The following LRCH1 variants were observed in gnomAD, a reference collection of about 807,000 sequenced individuals.
The protein encoded by LRCH1 is leucine-rich repeat and calponin homology domain-containing protein 1.
Under a neutral mutation model 94.9 loss-of-function variants are expected in LRCH1, and 23 were observed. The observed-to-expected ratio is 0.24, with a 90% CI of 0.17 to 0.34. The LOEUF (loss-of-function observed/expected upper bound fraction) is 0.34. LRCH1 is among the 10% of genes least tolerant of loss of function. The pLI is 1.00. For synonymous variants in LRCH1, 364 were observed against 354.9 expected (o/e 1.03, Z -0.29); for missense variants, 790 against 945.9 (o/e 0.84, Z 2.16).
intron 7 of LRCH1, among the ~76,000 whole-genome samples, chr13:46,689,426 A>G (rs1405656800): frequency 1.3e-5 from 2 of 152,184 alleles, no homozygotes; most frequent in Non-Finnish European, 2.9e-5. Flanking sequence ...AAATGCCTCA[A>G]GAGTGGAGTC....
In LRCH1 at chr13:46,742,043, C is replaced by T. The variant is rs1052078768; in HGVS notation, c.*195C>T. Reference sequence around the variant, plus strand: ...TGTAGAATACAGTTTAGTATAATTCCTCTCACTTACTGAAATACAACGACG... The same window carrying T: ...TGTAGAATACAGTTTAGTATAATTCTTCTCACTTACTGAAATACAACGACG... On this transcript the variant is annotated 3_prime_UTR_variant, in exon 20 of 20. Coordinates refer to ENST00000389797, the MANE Select transcript of LRCH1 (RefSeq NM_001164211.2). 17 of 1,432,320 alleles carry T rather than the reference C, an allele frequency of 1.2e-5. No homozygotes were observed. The highest frequency in any genetic ancestry group is 1.5e-5 in the Non-Finnish European group (16 of 1,098,264). 88.7% of individuals were successfully genotyped at this position (1,432,320 alleles called of 1,614,324 possible). A position where few individuals can be genotyped will look rare whatever the true frequency, so the allele number is the denominator to read the frequency against.
At position 46,741,974 on chromosome 13, in the gene LRCH1, G is replaced by C. The variant is rs930146155; in HGVS notation, c.*126G>C. 1.4e-5 allele frequency: 21 copies of C among 1,532,310 alleles called. No homozygotes were observed. The African/African-American group carries it at 2.8e-4, about 20-fold the overall frequency. 94.9% of individuals were successfully genotyped at this position (1,532,310 alleles called of 1,614,324 possible). ...TGTCTTCAGTTATCTCTCGAGTTTT[G>C]AAGCTGAACAGTAGCAAATCAGATT... On this transcript the variant is annotated 3_prime_UTR_variant, in exon 20 of 20. Coordinates refer to ENST00000389797, the MANE Select transcript of LRCH1 (RefSeq NM_001164211.2).
chr13:46,557,797 T>G (rs1253425685), intron 1 of LRCH1, among the ~76,000 whole-genome samples: 1 of 151,920 alleles, frequency 6.6e-6, no homozygotes, highest in African/African-American at 2.4e-5. Flanking sequence ...GAGCTGAGGT[T>G]GCAGTGAGCT....
chr13:46,654,272 A>T (rs1477613655), intron 2 of LRCH1, among the ~76,000 whole-genome samples: 2 of 152,220 alleles, frequency 1.3e-5, no homozygotes, highest in African/African-American at 4.8e-5. Context: ...TCAGAATATC[A>T]TGCTTGTGTG....
At chr13:46,667,955 A>G (rs1408597828) in intron 2 of LRCH1, among the ~76,000 whole-genome samples, 17 of 152,244 alleles carry the variant, frequency 1.1e-4, no homozygotes, top group Admixed American at 1.1e-3. Flanking sequence ...AAATACACTC[A>G]CACAGGAACA....
chr13:46,747,371 C>T (rs938892053), downstream of LRCH1, among the ~76,000 whole-genome samples: 26 of 152,322 alleles, frequency 1.7e-4, no homozygotes, highest in African/African-American at 4.8e-4. Flanking sequence ...GCCTTTCCCT[C>T]GCATGCCCTT....
At chr13:46,555,274 C>T (rs1290612782) in intron 1 of LRCH1, among the ~76,000 whole-genome samples, 1 of 152,212 alleles carries the variant, frequency 6.6e-6, no homozygotes, top group Admixed American at 6.5e-5. Context: ...TACTTCCCTT[C>T]TGCTATAGAG....
intron 1 of LRCH1, among the ~76,000 whole-genome samples, chr13:46,629,226 G>A (rs1236399664): frequency 2.0e-5 from 3 of 152,122 alleles, no homozygotes; most frequent in Admixed American, 1.3e-4. Flanking sequence ...GCCTCTGTGG[G>A]GGAAAAAGAC....
At chr13:46,670,933 C>T (rs961881548) in intron 3 of LRCH1, among the ~76,000 whole-genome samples, 3 of 152,200 alleles carry the variant, frequency 2.0e-5, no homozygotes, top group African/African-American at 2.4e-5. Context: ...CTGCTGAAGT[C>T]TAGGTAGATA....
At chr13:46,660,619 G>A (rs929964157) in intron 2 of LRCH1, among the ~76,000 whole-genome samples, 1 of 152,192 alleles carries the variant, frequency 6.6e-6, no homozygotes, top group African/African-American at 2.4e-5. Flanking sequence ...TGACATGATA[G>A]CGCCTTCCTT....
intron 1 of LRCH1, among the ~76,000 whole-genome samples, chr13:46,582,007 G>A (rs887066443): frequency 1.4e-4 from 21 of 152,056 alleles, no homozygotes; most frequent in African/African-American, 4.8e-4. Flanking sequence ...AAAATTAGCC[G>A]GGCGTGCTGG....
chr13:46,751,271 T>C (rs1385758567), exon 19 of LRCH1: 1 of 152,168 alleles, frequency 6.6e-6, no homozygotes, highest in Admixed American at 6.5e-5. Context: ...TCCTCTTTGG[T>C]GTGCGGTAGT....
Position 46,592,717 on chromosome 13 carries a change from A to C in LRCH1, c.307+39014A>C, listed in dbSNP as rs143840424. ...ATCATACCTAATCACTCATTTGATC[A>C]TGTCATCCTCTTCCCAGTCTCTGTT... On this transcript the variant is annotated intron_variant, in intron 1 of 19. Transcript: ENST00000389797. 4.5e-3 allele frequency among the ~76,000 whole-genome samples: 692 copies of C among 152,270 alleles called. 10 individuals carry two copies. Among genetic ancestry groups the C allele is most frequent in the African/African-American group, 0.016 (669 of 41,556 alleles).
intron 1 of LRCH1, among the ~76,000 whole-genome samples, chr13:46,578,837 C>T (rs1366560816): frequency 6.6e-6 from 1 of 152,046 alleles, no homozygotes; most frequent in Non-Finnish European, 1.5e-5. Context: ...GGTGTGTGGC[C>T]TTCATGCCAG....
rs532383548 is a variant in LRCH1, at chr13:46,553,527, G to A, written c.131G>A (p.Gly44Glu). The A allele has an allele frequency of 4.0e-5, 62 of 1,546,608 alleles. No individual in the cohort carries two copies. The South Asian group carries it at 6.6e-4, about 16-fold the overall frequency. The change falls in exon 1 of 20, where the codon GGG becomes GAG. Residue 44 changes from glycine (G) to glutamate (E), a missense_variant. By Grantham distance (98) the Gly-to-Glu change is moderately conservative. Coordinates refer to ENST00000389797, the MANE Select transcript of LRCH1 (RefSeq NM_001164211.2). Reference sequence around the variant, plus strand: ...CACGGAGGAACCGGCGCCCCCGGCGGGGCGGGTGGTGGCGGCGGTGGCAGC... The same window carrying A: ...CACGGAGGAACCGGCGCCCCCGGCGAGGCGGGTGGTGGCGGCGGTGGCAGC... ...QHHGGTGAPG[G>E]AGGGGGGSGG...
At position 46,634,146 on chromosome 13, in the gene LRCH1, G is replaced by A. The variant is rs375497393; in HGVS notation, c.308-16055G>A. Among the ~76,000 whole-genome samples the A allele has an allele frequency of 3.1e-3, 471 of 152,236 alleles. 3 individuals are homozygous for A. Among genetic ancestry groups the A allele is most frequent in the South Asian group, 0.019 (94 of 4,824 alleles). ...GCCCGCCTCAGCCTCCCAAAGTGCTGGGATTACAGGCGTGAGCCACCGCGC... is the reference window on the plus strand; with the variant it reads ...GCCCGCCTCAGCCTCCCAAAGTGCTAGGATTACAGGCGTGAGCCACCGCGC... On this transcript the variant is annotated intron_variant, in intron 1 of 19. Transcript: ENST00000389797.
chr13:46,680,339 A>G (rs190663917), intron 3 of LRCH1, among the ~76,000 whole-genome samples: 3 of 152,306 alleles, frequency 2.0e-5, no homozygotes, highest in Admixed American at 6.5e-5. Flanking sequence ...GGATGGAATG[A>G]ATAAGACATG....
chr13:46,675,372 T>G (rs929563774), intron 3 of LRCH1, among the ~76,000 whole-genome samples: 5 of 152,164 alleles, frequency 3.3e-5, no homozygotes, highest in African/African-American at 1.2e-4. Flanking sequence ...AATTCTGTCC[T>G]CTCTGAAGTC....
intron 1 of LRCH1, among the ~76,000 whole-genome samples, chr13:46,609,992 G>A (rs1303750223): frequency 1.3e-5 from 2 of 152,178 alleles, no homozygotes; most frequent in African/African-American, 4.8e-5. Flanking sequence ...GACATCCAAG[G>A]TGTCCAGGAA....
Sources: allele counts gnomAD v4.1 joint callset (sites outside exome capture counted in the v4.1 genomes callset), GRCh38; gene constraint gnomAD v4.1.1; transcripts MANE v1.5; gene names NCBI Gene and HGNC (gene_info 2026-07-23, HGNC 2026-07-21).